RPS6KA2: variants seen among roughly 807,000 people sequenced by gnomAD.
RPS6KA2 encodes ribosomal protein S6 kinase A2, also known as ribosomal protein S6 kinase alpha-2.
In RPS6KA2, 42 loss-of-function variants were observed where a neutral mutation model predicts 91.8. The observed-to-expected ratio is 0.46, with a 90% CI of 0.36 to 0.59. RPS6KA2 has a LOEUF of 0.59. RPS6KA2 is among the 20% of genes least tolerant of loss of function. The probability of loss-of-function intolerance (pLI) is 0.00; values close to 1 mark genes in which losing one functional copy is unlikely to be tolerated. For missense variants in RPS6KA2, 798 were observed against 978.5 expected (o/e 0.82, Z 2.46); for synonymous variants, 414 against 393.6 (o/e 1.05, Z -0.61).
At position 166,448,764 on chromosome 6, in the gene RPS6KA2, C is replaced by T. The variant is rs761079978; in HGVS notation, c.1292G>A (p.Arg431Gln). 47 of 1,613,568 alleles carry T rather than the reference C, an allele frequency of 2.9e-5. No homozygotes were observed. Among genetic ancestry groups the T allele is most frequent in the Non-Finnish European group, 3.5e-5 (41 of 1,179,868 alleles). ...GGTGTCTGTGGCTTTATGCACACATCGCTTGCACACTGAGTAGGAGCCCAC... is the reference window on the plus strand; with the variant it reads ...GGTGTCTGTGGCTTTATGCACACATTGCTTGCACACTGAGTAGGAGCCCAC... ...IGVGSYSVCK[R>Q]CVHKATDTEY... The change falls in exon 14 of 21, where the codon CGA becomes CAA. Residue 431 changes from arginine to glutamine, a missense_variant. By Grantham distance (43) the Arg-to-Gln change is conservative. Transcript: ENST00000265678. This position sits in a 1 kb window ranked among gnomAD's most constrained non-coding sequence, Gnocchi z 4.7.
At chr6:166,789,236 T>A (rs1318388626) in intron 2 of RPS6KA2, among the ~76,000 whole-genome samples, 1 of 152,208 alleles carries the variant, frequency 6.6e-6, no homozygotes, top group Non-Finnish European at 1.5e-5. Flanking sequence ...CGGAGGGTCC[T>A]ACGCCCACGG....
rs1300533666 is a variant in RPS6KA2 at position 166,495,736 on chromosome 6, G to A, written c.747+2772C>T. Among the ~76,000 whole-genome samples the A allele has an allele frequency of 1.3e-5, 2 of 152,192 alleles. No individual in the cohort carries two copies. The highest frequency in any genetic ancestry group is 1.9e-4 in the East Asian group (1 of 5,194). On this transcript the variant is annotated intron_variant, in intron 8 of 20. Coordinates refer to ENST00000265678, the MANE Select transcript of RPS6KA2 (RefSeq NM_021135.6). The surrounding 1 kb of genome is among the most constrained non-coding windows in gnomAD (Gnocchi z 4.4). ...GGAGACACTCACAGAGACAGACAACGACAATAAAAGATGGCAGACGTTAGA... is the reference window on the plus strand; with the variant it reads ...GGAGACACTCACAGAGACAGACAACAACAATAAAAGATGGCAGACGTTAGA...
Position 166,412,816 on chromosome 6 carries a change from T to C in RPS6KA2, c.2148A>G (p.Ser716=), listed in dbSNP as rs760670. 1,120,113 of 1,587,468 alleles carry C rather than the reference T, an allele frequency of 0.71. 398,157 individuals carry two copies. Among genetic ancestry groups the C allele is most frequent in the South Asian group, 0.84 (73,242 of 86,868 alleles). The part of the protein sequence containing the change: ...PQAPRLEPVL[S]SNLAQRRGMK... ...TGCCTCTGCGCTGAGCCAGGTTGGA[T>C]GACAGCACGGGCTCCAGCCGCGGGG... is the stretch of plus-strand genomic sequence containing the variant. Residue 716 remains serine, a synonymous_variant, in exon 21 of 21, where the codon TCA becomes TCG. Coordinates refer to ENST00000265678, the MANE Select transcript of RPS6KA2 (RefSeq NM_021135.6). The surrounding 1 kb of genome is among the most constrained non-coding windows in gnomAD (Gnocchi z 4.3).
intron 7 of RPS6KA2, among the ~76,000 whole-genome samples, chr6:166,498,872 T>G (rs1196260559): frequency 1.3e-5 from 2 of 151,766 alleles, no homozygotes; most frequent in African/African-American, 2.4e-5. Context: ...GCGTGAGGAG[T>G]TCCTTATGAG....
intron 1 of RPS6KA2, among the ~76,000 whole-genome samples, chr6:166,609,721 A>G (rs1040186533): frequency 6.6e-6 from 1 of 152,132 alleles, no homozygotes; most frequent in African/African-American, 2.4e-5. Context: ...GCTGGTCTCG[A>G]ACTCCTGACC....
At chr6:166,832,419 C>A (rs1780210772) in intron 2 of RPS6KA2, among the ~76,000 whole-genome samples, 1 of 152,142 alleles carries the variant, frequency 6.6e-6, no homozygotes, top group Non-Finnish European at 1.5e-5. Context: ...CTGACAGACC[C>A]CAGAGCCCAG....
In RPS6KA2 at chr6:166,540,495, ACT is replaced by A. The variant is rs201617352; in HGVS notation, c.100-1713_100-1712del. Among the ~76,000 whole-genome samples the A allele has an allele frequency of 8.6e-3, 1,312 of 152,248 alleles. 11 individuals carry two copies. The highest frequency in any genetic ancestry group is 0.028 in the African/African-American group (1,175 of 41,536). ...AAAACAATGAGTATAGCCAAAATTG[ACT>A]CTGTTTAATCCATCCTGAAGTTCAT... On this transcript the variant is annotated intron_variant, in intron 1 of 20. Transcript: ENST00000265678.
chr6:166,837,448 G>A (rs1780349039), intron 2 of RPS6KA2, among the ~76,000 whole-genome samples: 2 of 152,200 alleles, frequency 1.3e-5, no homozygotes, highest in South Asian at 4.1e-4. Context: ...CCTCCCACTG[G>A]CTAAGGGCTC....
At chr6:166,669,253 G>C (rs963993054) in intron 2 of RPS6KA2, among the ~76,000 whole-genome samples, 1 of 152,130 alleles carries the variant, frequency 6.6e-6, no homozygotes, top group Admixed American at 6.5e-5. Context: ...TGGGGGATCA[G>C]CACCTGCTCC....
intron 2 of RPS6KA2, among the ~76,000 whole-genome samples, chr6:166,802,963 TAA>T (rs71554316): frequency 6.6e-6 from 1 of 150,428 alleles, no homozygotes; most frequent in Admixed American, 6.6e-5. Flanking sequence ...TATATATATA[TAA>T]AATGATTAAA....
rs1242741214 is a variant in RPS6KA2 at position 166,435,968 on chromosome 6, C to T, written c.1333-3478G>A. 6.6e-6 allele frequency among the ~76,000 whole-genome samples: 1 copy of T among 152,154 alleles called. No homozygotes were observed. The highest frequency in any genetic ancestry group is 2.4e-5 in the African/African-American group (1 of 41,426). On this transcript the variant is annotated intron_variant, in intron 14 of 20. Coordinates refer to ENST00000265678, the MANE Select transcript of RPS6KA2 (RefSeq NM_021135.6). This position sits in a 1 kb window ranked among gnomAD's most constrained non-coding sequence, Gnocchi z 4.3. ...ACTCCCTGTGGGGTTGCAGGAGCTC[C>T]CTGGGCCTCTCTACACCTAGCTTTC...
chr6:166,550,547 G>A (rs1208354995), intron 1 of RPS6KA2, among the ~76,000 whole-genome samples: 1 of 152,184 alleles, frequency 6.6e-6, no homozygotes, highest in East Asian at 1.9e-4. Context: ...TCAGGGTACA[G>A]ATGGCGAACA....
chr6:166,760,084 T>G (rs1583088537), intron 2 of RPS6KA2, among the ~76,000 whole-genome samples: 1 of 152,332 alleles, frequency 6.6e-6, no homozygotes, highest in East Asian at 1.9e-4. Flanking sequence ...CTGGTATTGT[T>G]TCAAATACAC....
chr6:166,722,768 A>C (rs1428933411), intron 2 of RPS6KA2, among the ~76,000 whole-genome samples: 1 of 152,196 alleles, frequency 6.6e-6, no homozygotes, highest in Non-Finnish European at 1.5e-5. Flanking sequence ...CCTTTTTGAG[A>C]TTCGTCCTTC....
rs1392239654 is a variant in RPS6KA2, at chr6:166,732,764, T to C, written c.123+125436A>G. ...GCACAGGGGCCCGGTCAGAGCCTCT[T>C]CCTACCAGAGGTGATGACAGGGGGA... On this transcript the variant is annotated intron_variant, in intron 2 of 21. Transcript: ENST00000503859. This position sits in a 1 kb window ranked among gnomAD's most constrained non-coding sequence, Gnocchi z 4.0. 6.6e-6 allele frequency among the ~76,000 whole-genome samples: 1 copy of C among 152,158 alleles called. No homozygotes were observed. The highest frequency in any genetic ancestry group is 1.5e-5 in the Non-Finnish European group (1 of 68,032).
At chr6:166,796,639 T>C (rs1234793298) in intron 2 of RPS6KA2, among the ~76,000 whole-genome samples, 3 of 152,230 alleles carry the variant, frequency 2.0e-5, no homozygotes, top group African/African-American at 7.2e-5. Flanking sequence ...AGAAATCTAT[T>C]GCTCTTCCCA....
At chr6:166,813,396 A>G (rs113310337) in intron 2 of RPS6KA2, among the ~76,000 whole-genome samples, 128 of 152,320 alleles carry the variant, frequency 8.4e-4, no homozygotes, top group African/African-American at 2.9e-3. Context: ...TCTAACTTTA[A>G]TGAGATTAAA....
intron 17 of RPS6KA2, among the ~76,000 whole-genome samples, chr6:166,420,651 T>C (rs1034822947): frequency 6.6e-6 from 1 of 152,224 alleles, no homozygotes; most frequent in African/African-American, 2.4e-5. Context: ...AGGGACACTC[T>C]CGTGGCTTCC....
chr6:166,617,709 A>G (rs953915154), intron 1 of RPS6KA2, among the ~76,000 whole-genome samples: 1 of 152,250 alleles, frequency 6.6e-6, no homozygotes, highest in Non-Finnish European at 1.5e-5. Flanking sequence ...AATTCCTAAG[A>G]TAAAATGTCC....
Sources: gnomAD v4.1 joint callset for allele counts (sites outside exome capture counted in the v4.1 genomes callset) on GRCh38, gnomAD v4.1.1 for gene constraint, Gnocchi (gnomAD v3.1) non-coding constraint, MANE v1.5 for transcripts, NCBI Gene and HGNC (gene_info 2026-07-23, HGNC 2026-07-21) for gene names.